The following AFG2B variants were observed in gnomAD, a reference collection of about 807,000 sequenced individuals.
AFG2B encodes the protein ATPase family gene 2 protein homolog B.
the AFG2B span, among the ~76,000 whole-genome samples, chr15:45,410,894 T>TA: frequency 4.4e-4 from 67 of 151,020 alleles, 1 homozygote; most frequent in East Asian, 2.3e-3. Flanking sequence ...TGTCGCTATT[T>TA]AAAAAAAAAT....
At chr15:45,402,957 G>A in the AFG2B span, 5 of 1,597,342 alleles carry the variant, frequency 3.1e-6, no homozygotes, top group East Asian at 1.1e-4. Context: ...ATCCCGCTGG[G>A]CTGGTCACCC....
At chr15:45,418,821 A>T in the AFG2B span, 2 of 1,147,804 alleles carry the variant, frequency 1.7e-6, no homozygotes, top group Non-Finnish European at 2.4e-6. Flanking sequence ...CATCCCTCAC[A>T]CAGCTTATTG....
the AFG2B span, chr15:45,406,964 G>T: frequency 8.2e-7 from 1 of 1,216,296 alleles, no homozygotes; most frequent in South Asian, 1.3e-5. Context: ...GTCTTTTGAG[G>T]GAGACAATAA....
chr15:45,418,629 G>A, the AFG2B span: 13 of 1,613,812 alleles, frequency 8.1e-6, no homozygotes, highest in Admixed American at 6.7e-5. Context: ...AGAAAACCTC[G>A]CAGCAGAAAC....
chr15:45,407,150 C>T, the AFG2B span: 20 of 1,284,578 alleles, frequency 1.6e-5, no homozygotes, highest in Middle Eastern at 4.3e-4. Context: ...CAGGTGATGG[C>T]TGAGTTCAGA....
the AFG2B span, chr15:45,402,870 C>T: frequency 1.3e-6 from 2 of 1,598,536 alleles, no homozygotes; most frequent in East Asian, 2.2e-5. Flanking sequence ...TCTCCCTGGG[C>T]CACGTGGTGG....
At chr15:45,415,714 T>G in the AFG2B span, 1 of 1,614,070 alleles carries the variant, frequency 6.2e-7, no homozygotes, top group Non-Finnish European at 8.5e-7. Flanking sequence ...TCTGTTCTCC[T>G]GAATGAATTA....
the AFG2B span, chr15:45,402,405 C>T: frequency 3.3e-3 from 5,153 of 1,573,130 alleles, 185 homozygotes; most frequent in African/African-American, 0.067. Context: ...AATCTGGTTT[C>T]GTCTGCCTGG....
At chr15:45,408,346 G>A in the AFG2B span, among the ~76,000 whole-genome samples, 1 of 151,890 alleles carries the variant, frequency 6.6e-6, no homozygotes, top group African/African-American at 2.4e-5. Context: ...TGCTCTCCTT[G>A]CTCCCTCTCC....
the AFG2B span, among the ~76,000 whole-genome samples, chr15:45,419,394 G>A: frequency 1.6e-3 from 236 of 151,748 alleles, 1 homozygote; most frequent in African/African-American, 5.2e-3. Context: ...CCTGGGAAGC[G>A]AAGGTTGCAG....
the AFG2B span, among the ~76,000 whole-genome samples, chr15:45,420,002 A>ACCCC: frequency 1.8e-5 from 2 of 110,860 alleles, no homozygotes; most frequent in East Asian, 5.4e-4. Flanking sequence ...CCCCCCAAAA[A>ACCCC]AAAAAAAAAA....
chr15:45,402,706 A>G, the AFG2B span: 3 of 1,568,234 alleles, frequency 1.9e-6, no homozygotes, highest in Non-Finnish European at 2.6e-6. Flanking sequence ...ATCCCGGAGG[A>G]GTCTCAGCCT....
chr15:45,418,534 T>C, the AFG2B span: 9 of 1,569,892 alleles, frequency 5.7e-6, no homozygotes, highest in Non-Finnish European at 7.7e-6. Flanking sequence ...AGATTTAAAA[T>C]ACTGTTTTTT....
chr15:45,409,714 T>A, the AFG2B span, among the ~76,000 whole-genome samples: 2 of 149,388 alleles, frequency 1.3e-5, no homozygotes, highest in Non-Finnish European at 3.0e-5. Context: ...AAAATATATA[T>A]ATTTTTTTAA....
chr15:45,409,871 TAAAC>T, the AFG2B span, among the ~76,000 whole-genome samples: 3 of 152,260 alleles, frequency 2.0e-5, no homozygotes, highest in South Asian at 4.1e-4. Context: ...TGTCTCAAAA[TAAAC>T]AAATACTTGA....
chr15:45,421,266 C>T, the AFG2B span: 19 of 1,191,216 alleles, frequency 1.6e-5, 1 homozygote, highest in Middle Eastern at 3.0e-4. Context: ...ACTTGCCTGT[C>T]GTTTGCAACT....
chr15:45,417,711 A>G, the AFG2B span: 1 of 262,586 alleles, frequency 3.8e-6, no homozygotes, highest in South Asian at 6.0e-5. Context: ...TTGAGTCAGC[A>G]TCCTTATCAT....
the AFG2B span, among the ~76,000 whole-genome samples, chr15:45,414,134 G>T: frequency 1.3e-5 from 2 of 152,152 alleles, no homozygotes; most frequent in Non-Finnish European, 2.9e-5. Context: ...GGAGGAGGGG[G>T]TTCCGCTTTA....
chr15:45,418,052 A>G, the AFG2B span, among the ~76,000 whole-genome samples: 1 of 152,174 alleles, frequency 6.6e-6, no homozygotes, highest in African/African-American at 2.4e-5. Context: ...TGTACCCAAG[A>G]GAGAGATTTA....
Sources: allele counts gnomAD v4.1 joint callset (sites outside exome capture counted in the v4.1 genomes callset), GRCh38; gene constraint gnomAD v4.1.1; transcripts MANE v1.5; gene names NCBI Gene and HGNC (gene_info 2026-07-23, HGNC 2026-07-21).